The following KIAA0825 variants were observed in gnomAD, a reference collection of about 807,000 sequenced individuals.
KIAA0825 encodes KIAA0825, also known as uncharacterized protein KIAA0825.
A neutral mutation model predicts 147.6 loss-of-function variants in KIAA0825; 119 were observed. That is an observed-to-expected ratio of 0.81 (90% CI 0.69 to 0.94). KIAA0825 has a LOEUF of 0.94. Among genes scored for constraint, KIAA0825 ranks in the 40% least tolerant of loss-of-function variants. KIAA0825 has a pLI of 0.00. For missense variants in KIAA0825, 1,381 were observed against 1,472.7 expected (o/e 0.94, Z 1.02); for synonymous variants, 470 against 518.1 (o/e 0.91, Z 1.26).
At chr5:94,325,873 T>TAA (rs1456399700) in intron 20 of KIAA0825, among the ~76,000 whole-genome samples, 1 of 152,026 alleles carries the variant, frequency 6.6e-6, no homozygotes, top group African/African-American at 2.4e-5. Flanking sequence ...ATTTTGGCCC[T>TAA]AATTTTCATT....
chr5:94,504,746 C>CTTTTTTTTTTTTTTT (rs564291886), intron 5 of KIAA0825, among the ~76,000 whole-genome samples: 1 of 122,982 alleles, frequency 8.1e-6, no homozygotes, highest in Non-Finnish European at 1.7e-5. Flanking sequence ...TTTTTCTTTT[C>CTTTTTTTTTTTTTTT]TTTTTTTTTT....
At chr5:94,575,194 GT>G (rs953738371) in intron 2 of KIAA0825, among the ~76,000 whole-genome samples, 1 of 152,166 alleles carries the variant, frequency 6.6e-6, no homozygotes, top group African/African-American at 2.4e-5. Flanking sequence ...AGTCAAAAAT[GT>G]TTTTTTACTA....
At chr5:94,351,461 C>T (rs574677938) in intron 20 of KIAA0825, among the ~76,000 whole-genome samples, 1 of 152,314 alleles carries the variant, frequency 6.6e-6, no homozygotes, top group African/African-American at 2.4e-5. Flanking sequence ...AATGGAAACA[C>T]ATCCCATGCT....
intron 20 of KIAA0825, among the ~76,000 whole-genome samples, chr5:94,331,028 C>G (rs1322458203): frequency 6.6e-6 from 1 of 151,856 alleles, no homozygotes; most frequent in African/African-American, 2.4e-5. Context: ...ATCCTAGCTA[C>G]TCAGGATGGT....
chr5:94,332,683 A>T (rs530190014), intron 20 of KIAA0825, among the ~76,000 whole-genome samples: 4 of 152,304 alleles, frequency 2.6e-5, no homozygotes, highest in African/African-American at 9.6e-5. Flanking sequence ...TGCAAGAAAC[A>T]TACGTGTGCA....
intron 20 of KIAA0825, among the ~76,000 whole-genome samples, chr5:94,201,598 T>G (rs2150024493): frequency 6.6e-6 from 1 of 151,260 alleles, no homozygotes; most frequent in Non-Finnish European, 1.5e-5. Context: ...TGTTTTTTTT[T>G]GTTTTTTTGG....
intron 17 of KIAA0825, among the ~76,000 whole-genome samples, chr5:94,394,820 C>T (rs1750415965): frequency 1.3e-5 from 2 of 152,048 alleles, no homozygotes; most frequent in South Asian, 4.1e-4. Context: ...CGGTCACTGC[C>T]AATGTTACTA....
intron 6 of KIAA0825, among the ~76,000 whole-genome samples, chr5:94,479,401 C>A (rs758021626): frequency 3.3e-5 from 5 of 152,030 alleles, no homozygotes; most frequent in African/African-American, 4.8e-5. Context: ...ATTTAAGGTT[C>A]CTCCATGTCT....
At chr5:94,505,739 T>A (rs1405718877) in intron 5 of KIAA0825, among the ~76,000 whole-genome samples, 5 of 152,234 alleles carry the variant, frequency 3.3e-5, no homozygotes, top group Non-Finnish European at 5.9e-5. Context: ...AGATACTACA[T>A]GTAAATAATA....
chr5:94,365,176 A>G (rs573630870), intron 20 of KIAA0825, among the ~76,000 whole-genome samples: 4 of 152,324 alleles, frequency 2.6e-5, no homozygotes, highest in African/African-American at 9.6e-5. Context: ...TGCATGGGCC[A>G]GAAGTCCCAT....
chr5:94,530,420 G>T (rs1770554708), intron 3 of KIAA0825, among the ~76,000 whole-genome samples: 1 of 152,024 alleles, frequency 6.6e-6, no homozygotes, highest in Non-Finnish European at 1.5e-5. Flanking sequence ...AAGTAGCTAG[G>T]ACTACAGGCA....
chr5:94,406,386 A>G (rs2150645202), intron 15 of KIAA0825, among the ~76,000 whole-genome samples: 1 of 152,306 alleles, frequency 6.6e-6, no homozygotes, highest in South Asian at 2.1e-4. Flanking sequence ...TCTATGTAGT[A>G]ATATATGAAT....
intron 14 of KIAA0825, among the ~76,000 whole-genome samples, chr5:94,434,434 C>T (rs918964105): frequency 5.3e-5 from 8 of 152,110 alleles, no homozygotes; most frequent in Non-Finnish European, 1.0e-4. Flanking sequence ...CAGGCTCTGT[C>T]GATTCTTTTG....
At chr5:94,369,650 AG>A (rs1746379094) in intron 20 of KIAA0825, among the ~76,000 whole-genome samples, 2 of 152,226 alleles carry the variant, frequency 1.3e-5, no homozygotes, top group Non-Finnish European at 2.9e-5. Context: ...GCCTGAGGCA[AG>A]GAAAATAATC....
chr5:94,256,946 T>C (rs1583975067), intron 20 of KIAA0825, among the ~76,000 whole-genome samples: 1 of 133,676 alleles, frequency 7.5e-6, no homozygotes, highest in African/African-American at 3.3e-5. Context: ...AAGATCTGTC[T>C]ACCTACCTAC....
intron 2 of KIAA0825, among the ~76,000 whole-genome samples, chr5:94,575,627 C>T (rs1780874346): frequency 1.3e-5 from 2 of 152,218 alleles, no homozygotes; most frequent in Admixed American, 1.3e-4. Context: ...ATGGTTCTCC[C>T]TGAGCAATAA....
At chr5:94,421,016 C>T (rs1754114818) in intron 14 of KIAA0825, among the ~76,000 whole-genome samples, 1 of 152,166 alleles carries the variant, frequency 6.6e-6, no homozygotes, top group Admixed American at 6.6e-5. Flanking sequence ...TCTCTCTTGA[C>T]TTCCTGGCAG....
At chr5:94,268,689 GCA>G (rs1412719179) in intron 20 of KIAA0825, among the ~76,000 whole-genome samples, 8 of 152,264 alleles carry the variant, frequency 5.3e-5, no homozygotes, top group East Asian at 3.9e-4. Flanking sequence ...AGTTACACCT[GCA>G]CAGATAGACA....
intron 20 of KIAA0825, among the ~76,000 whole-genome samples, chr5:94,155,395 T>A (rs1766947077): frequency 6.6e-6 from 1 of 151,688 alleles, no homozygotes; most frequent in Non-Finnish European, 1.5e-5. Context: ...TTTTTTTAAT[T>A]TTTTGTAGAG....
Sources: allele counts gnomAD v4.1 joint callset (sites outside exome capture counted in the v4.1 genomes callset), GRCh38; gene constraint gnomAD v4.1.1; transcripts MANE v1.5; gene names NCBI Gene and HGNC (gene_info 2026-07-23, HGNC 2026-07-21).